Variants in OAS3 observed in about 807,000 individuals in gnomAD.
OAS3 encodes 2'-5'-oligoadenylate synthase 3.
OAS3 carries 107 observed loss-of-function variants against 113.0 expected under a neutral mutation model. The observed-to-expected ratio is 0.95, with a 90% confidence interval of 0.81 to 1.11. The LOEUF (loss-of-function observed/expected upper bound fraction) is 1.11, where lower values mean the gene tolerates loss of function less well. OAS3 is among the 50% of genes most tolerant of loss of function. The pLI is 0.00. For synonymous variants in OAS3, 552 were observed against 573.6 expected, an observed-to-expected ratio of 0.96 and a Z score of 0.54; for missense variants, 1,258 against 1,389.1, an observed-to-expected ratio of 0.91 and a Z score of 1.50.
intron 7 of OAS3, among the ~76,000 whole-genome samples, chr12:112,956,394 G>T (rs951106113): frequency 2.6e-5 from 4 of 152,058 alleles, no homozygotes; most frequent in African/African-American, 7.2e-5. Flanking sequence ...GAATGTGTTT[G>T]CTCTTGCTTC....
intron 7 of OAS3, among the ~76,000 whole-genome samples, chr12:112,952,096 G>A (rs1288818355): frequency 9.9e-5 from 15 of 152,004 alleles, no homozygotes; most frequent in Admixed American, 9.8e-4. Context: ...TTTTTGTTTG[G>A]TCTCTCAATT....
At chr12:112,940,910 G>A (rs1565973194) in intron 1 of OAS3, among the ~76,000 whole-genome samples, 2 of 152,166 alleles carry the variant, frequency 1.3e-5, no homozygotes, top group Non-Finnish European at 2.9e-5. Context: ...GGCTCAGGTG[G>A]GAAAATCACT....
Position 112,965,980 on chromosome 12 carries a change from G to A in OAS3, c.2640G>A (p.Met880Ile). 1.2e-6 allele frequency: 2 copies of A among 1,614,056 alleles called. No individual in the cohort carries two copies. ...GCTTCTCACTGACATCCCAGACGAT[G>A]CTGGACCAGAGTGTGGACTTTGATG... Reference protein sequence around the residue: ...VLSFSLTSQTMLDQSVDFDVL... With the variant: ...VLSFSLTSQTILDQSVDFDVL... The change falls in exon 12 of 16, where the codon ATG (methionine) becomes ATA (isoleucine). Residue 880 changes from methionine to isoleucine, a missense_variant. Coordinates refer to ENST00000228928, the MANE Select transcript of OAS3 (RefSeq NM_006187.4).
rs763072878 is a variant in OAS3 at position 112,962,761 on chromosome 12, G to C, written c.1943G>C (p.Cys648Ser). 6.2e-7 allele frequency: 1 copy of C among 1,614,040 alleles called. No homozygotes were observed. Among genetic ancestry groups the C allele is most frequent in the African/African-American group, 1.3e-5 (1 of 75,044 alleles). ...FAWEQGCRQDCFNMAQGFRTV... is the reference protein window; with the variant it reads ...FAWEQGCRQDSFNMAQGFRTV... ...TGGGAGCAGGGCTGCAGGCAGGATT[G>C]TTTCAACATGGCCCAAGGCTTCCGG... The change falls in exon 9 of 16, where the codon TGT becomes TCT. Residue 648 changes from cysteine (C) to serine (S), a missense_variant. By Grantham distance (112) the Cys-to-Ser change is moderately radical (BLOSUM62 -1). Coordinates refer to ENST00000228928, the MANE Select transcript of OAS3 (RefSeq NM_006187.4).
At position 112,962,651 on chromosome 12, in the gene OAS3, G is replaced by A. The variant is rs1464518654; in HGVS notation, c.1834-1G>A. ...TCTTTGGTTGGCCTTGTGTGACACAGGTTGCGGCTCAGAACAAAGGAAAAG... is the reference window on the plus strand; with the variant it reads ...TCTTTGGTTGGCCTTGTGTGACACAAGTTGCGGCTCAGAACAAAGGAAAAG... On this transcript the variant is annotated splice_acceptor_variant, in intron 8 of 15. Coordinates refer to ENST00000228928, the MANE Select transcript of OAS3 (RefSeq NM_006187.4). LOFTEE classifies it high-confidence loss of function. 6 of 1,612,918 alleles carry A rather than the reference G, an allele frequency of 3.7e-6. No individual in the cohort carries two copies. Among genetic ancestry groups the A allele is most frequent in the Non-Finnish European group, 5.1e-6 (6 of 1,178,952 alleles).
intron 3 of OAS3, among the ~76,000 whole-genome samples, chr12:112,946,470 C>G (rs2043730119): frequency 1.3e-5 from 2 of 152,148 alleles, no homozygotes; most frequent in African/African-American, 2.4e-5. Flanking sequence ...CAATTTCAGA[C>G]TACCCTTGGC....
rs1436366492 is a variant in OAS3 at position 112,970,162 on chromosome 12, C to T, written c.*189C>T. On this transcript the variant is annotated 3_prime_UTR_variant, in exon 16 of 16. Coordinates refer to ENST00000228928, the MANE Select transcript of OAS3 (RefSeq NM_006187.4). ...AATCTGCTCTCCCAGCTCACACACT[C>T]CCCTGCCTCCCATGGCTTACACACT... The T allele has an allele frequency of 4.4e-6, 3 of 679,738 alleles. No homozygotes were observed. The highest frequency in any genetic ancestry group is 5.2e-6 in the Non-Finnish European group (2 of 387,568). 42.1% of individuals were successfully genotyped at this position (679,738 alleles called of 1,614,324 possible).
chr12:112,967,831 G>T, intron 13 of OAS3, 105 bp from the exon 14 acceptor site: 1 of 1,324,256 alleles, frequency 7.6e-7, no homozygotes, highest in Non-Finnish European at 1.0e-6. Context: ...GCACATGTAG[G>T]TGCTCAATAA....
Position 112,949,007 on chromosome 12 carries a change from TG to T in OAS3, c.1180del (p.Ala394GlnfsTer31). 2 of 1,613,968 alleles carry T rather than the reference TG, an allele frequency of 1.2e-6. No individual in the cohort carries two copies. The highest frequency in any genetic ancestry group is 1.7e-6 in the Non-Finnish European group (2 of 1,179,878). On this transcript the variant is annotated frameshift_variant, in exon 6 of 16. Coordinates refer to ENST00000228928, the MANE Select transcript of OAS3 (RefSeq NM_006187.4). LOFTEE classifies it high-confidence loss of function. ...CCTCATGCCCAGCTCCTGGCCCCAC[TG>T]GGGCAGCCAGCATCGTCCCCTCTGT... is the stretch of plus-strand genomic sequence containing the variant. ...PPSCPAPGPT[G>X]AASIVPSVPG...
Position 112,972,914 on chromosome 12 carries a change from T to TGTG in OAS3, c.*2941_*2942insGTG, listed in dbSNP as rs759484864. On this transcript the variant is annotated 3_prime_UTR_variant, in exon 16 of 16. Transcript: ENST00000228928. Reference sequence around the variant, plus strand: ...TGTGTGTGTGTGTGTGTGTGTGTGTTTAATTTTTAAAAAGTTTTTATTGAG... The same window carrying TGTG: ...TGTGTGTGTGTGTGTGTGTGTGTGTTGTGTAATTTTTAAAAAGTTTTTATTGAG... The TGTG allele has an allele frequency of 1.0e-5, 1 of 99,842 alleles. No homozygotes were observed. Among genetic ancestry groups the TGTG allele is most frequent in the Non-Finnish European group, 2.1e-5 (1 of 47,362 alleles). The allele number at this position is 99,842 out of a possible 1,614,324, so 6.2% of individuals were successfully genotyped here.
At chr12:112,952,577 T>C (rs2043801849) in intron 7 of OAS3, among the ~76,000 whole-genome samples, 1 of 152,212 alleles carries the variant, frequency 6.6e-6, no homozygotes, top group Non-Finnish European at 1.5e-5. Context: ...ACCCTATTAA[T>C]ATAATTAACA....
chr12:112,941,631 T>G lies in OAS3; in HGVS notation c.239T>G (p.Phe80Cys). Residue 80 changes from phenylalanine to cysteine, a missense_variant, in exon 2 of 16, where the codon TTC (phenylalanine) becomes TGC (cysteine). Physicochemically the swap from Phe to Cys is radical, Grantham distance 205. Coordinates refer to ENST00000228928, the MANE Select transcript of OAS3 (RefSeq NM_006187.4). ...KGGCDSELVI[F>C]LDCFKSYVDQ... ...GGCTGTGATTCTGAACTTGTCATCT[T>G]CCTCGACTGCTTCAAGAGCTATGTG... 3.1e-6 allele frequency: 5 copies of G among 1,614,018 alleles called. No homozygotes were observed. Among genetic ancestry groups the G allele is most frequent in the Non-Finnish European group, 4.2e-6 (5 of 1,179,888 alleles).
intron 7 of OAS3, among the ~76,000 whole-genome samples, chr12:112,959,162 T>C (rs2043860924): frequency 6.6e-6 from 1 of 152,202 alleles, no homozygotes; most frequent in South Asian, 2.1e-4. Flanking sequence ...GGATATAATC[T>C]CCTGGTGTGC....
In OAS3 at chr12:112,959,629, C is replaced by T. The variant is rs954342121; in HGVS notation, c.1658-1442C>T. On this transcript the variant is annotated intron_variant, in intron 7 of 15. Transcript: ENST00000228928. ...TCTCCCCTATTTTGTCTATTCTCTA[C>T]TTCTGGAACTCCTGTTAGATGGTTT... is the stretch of plus-strand genomic sequence containing the variant. Among the ~76,000 whole-genome samples the T allele has an allele frequency of 2.6e-5, 4 of 152,240 alleles. No homozygotes were observed. In the East Asian group the frequency reaches 7.7e-4, roughly 29 times the overall value.
chr12:112,965,613 T>C, intron 11 of OAS3, 131 bp from the exon 12 acceptor site: 1 of 779,886 alleles, frequency 1.3e-6, no homozygotes, highest in East Asian at 2.7e-5. Context: ...TTTCTTACCA[T>C]ATTAAAGATC....
chr12:112,963,379 C>A lies in OAS3; in HGVS notation c.2151C>A (p.Ala717=). The A allele has an allele frequency of 1.3e-6, 2 of 1,555,574 alleles. No homozygotes were observed. The highest frequency in any genetic ancestry group is 8.7e-7 in the Non-Finnish European group (1 of 1,149,090). ...NVGHGSWELL[A]QEAAALGMQA... ...GCCACGGTAGCTGGGAGCTGTTGGC[C>A]CAGGAAGCAGCAGCGCTGGGGATGC... Residue 717 remains alanine (A), a synonymous_variant, in exon 10 of 16, where the codon GCC becomes GCA. Coordinates refer to ENST00000228928, the MANE Select transcript of OAS3 (RefSeq NM_006187.4). This position sits in a 1 kb window ranked among gnomAD's most constrained non-coding sequence, Gnocchi z 4.6.
intron 7 of OAS3, among the ~76,000 whole-genome samples, chr12:112,955,479 T>A (rs4767042): frequency 0.26 from 39,700 of 152,122 alleles, 6,513 homozygotes; most frequent in East Asian, 0.75. Context: ...AACTCATTAT[T>A]TTGAGATGCC....
intron 1 of OAS3, 107 bp from the exon 2 acceptor site, chr12:112,941,462 TG>T: frequency 1.6e-6 from 2 of 1,252,910 alleles, no homozygotes; most frequent in African/African-American, 1.5e-5. Flanking sequence ...TACAGCCATG[TG>T]GCCACAGTCT....
intron 4 of OAS3, 71 bp downstream of exon 4, chr12:112,947,052 C>A: frequency 4.6e-6 from 6 of 1,293,032 alleles, no homozygotes; most frequent in Non-Finnish European, 6.6e-6. Flanking sequence ...AAGGACAAAA[C>A]CGGTTACATC....
Sources: allele counts gnomAD v4.1 joint callset (sites outside exome capture counted in the v4.1 genomes callset), GRCh38; gene constraint gnomAD v4.1.1; non-coding constraint Gnocchi (gnomAD v3.1); transcripts MANE v1.5; gene names NCBI Gene and HGNC (gene_info 2026-07-23, HGNC 2026-07-21).